The following CHLSN variants were observed in gnomAD, a reference collection of about 807,000 sequenced individuals.
CHLSN encodes protein cholesin.
chr7:1,052,499 G>A, the CHLSN span, among the ~76,000 whole-genome samples: 1 of 152,172 alleles, frequency 6.6e-6, no homozygotes, highest in African/African-American at 2.4e-5. The surrounding 1 kb of genome is among the most constrained non-coding windows in gnomAD (Gnocchi z 4.2). Context: ...TGTGACTTTG[G>A]AGGTGCTGGA....
chr7:1,089,576 G>A, the CHLSN span, among the ~76,000 whole-genome samples: 2 of 151,998 alleles, frequency 1.3e-5, no homozygotes, highest in African/African-American at 4.8e-5. Context: ...ACACCACTAT[G>A]CCCAGCTACT....
At chr7:981,301 A>G in the CHLSN span, among the ~76,000 whole-genome samples, 1 of 151,400 alleles carries the variant, frequency 6.6e-6, no homozygotes, top group Non-Finnish European at 1.5e-5. Flanking sequence ...CATCTCAAAA[A>G]AAAAAAAAAA....
At chr7:1,058,708 C>A in the CHLSN span, 16 of 601,812 alleles carry the variant, frequency 2.7e-5, no homozygotes, top group East Asian at 4.2e-4. Context: ...TGGCTGGCAT[C>A]TGGCTTGAGT....
At chr7:1,021,996 C>A in the CHLSN span, among the ~76,000 whole-genome samples, 45 of 152,178 alleles carry the variant, frequency 3.0e-4, no homozygotes, top group African/African-American at 1.1e-3. Flanking sequence ...CCTCGGCACA[C>A]CCAGGTGACA....
the CHLSN span, among the ~76,000 whole-genome samples, chr7:985,982 C>A: frequency 2.6e-5 from 4 of 152,158 alleles, no homozygotes; most frequent in Non-Finnish European, 5.9e-5. Context: ...GGTGAGACCA[C>A]CCTGCCTGCT....
At chr7:1,016,948 GC>G in the CHLSN span, among the ~76,000 whole-genome samples, 1 of 69,022 alleles carries the variant, frequency 1.4e-5, no homozygotes, top group Non-Finnish European at 2.9e-5. Context: ...GCCAGCACAC[GC>G]CAGCGCACAG....
the CHLSN span, among the ~76,000 whole-genome samples, chr7:1,120,247 C>T: frequency 8.9e-4 from 135 of 152,292 alleles, no homozygotes; most frequent in African/African-American, 2.9e-3. Flanking sequence ...AGCAGCACCA[C>T]GTGTCGACCA....
At chr7:1,125,982 AT>A in the CHLSN span, among the ~76,000 whole-genome samples, 24 of 152,232 alleles carry the variant, frequency 1.6e-4, no homozygotes, top group Non-Finnish European at 2.9e-4. Context: ...GGGTCAAAAA[AT>A]TTTTTATATT....
the CHLSN span, among the ~76,000 whole-genome samples, chr7:1,089,216 A>G: frequency 1.3e-5 from 2 of 152,240 alleles, no homozygotes; most frequent in African/African-American, 4.8e-5. Context: ...AGAGGCATTT[A>G]TGCTGTTCAA....
the CHLSN span, among the ~76,000 whole-genome samples, chr7:1,125,241 C>T: frequency 6.6e-6 from 1 of 152,178 alleles, no homozygotes; most frequent in Non-Finnish European, 1.5e-5. Flanking sequence ...GCCCAGGGAC[C>T]CCTCCAAGCA....
At chr7:1,028,260 C>T in the CHLSN span, 1 of 1,094,438 alleles carries the variant, frequency 9.1e-7, no homozygotes, top group South Asian at 2.1e-5. Context: ...GCACTGACCT[C>T]TGACCCGGCT....
At chr7:1,055,899 A>T in the CHLSN span, among the ~76,000 whole-genome samples, 1 of 152,164 alleles carries the variant, frequency 6.6e-6, no homozygotes. Flanking sequence ...TGGGGACTCA[A>T]GTGGAGTCTG....
chr7:1,079,417 TG>T, the CHLSN span, among the ~76,000 whole-genome samples: 1 of 152,140 alleles, frequency 6.6e-6, no homozygotes, highest in African/African-American at 2.4e-5. Context: ...CATCCTGGGA[TG>T]GTATGAAAGA....
chr7:1,070,903 T>C, the CHLSN span, among the ~76,000 whole-genome samples: 5 of 133,348 alleles, frequency 3.7e-5, no homozygotes, highest in South Asian at 1.2e-3. Flanking sequence ...TGCACACACA[T>C]GCACGCACAC....
chr7:1,015,982 C>T, the CHLSN span, among the ~76,000 whole-genome samples: 92 of 152,266 alleles, frequency 6.0e-4, no homozygotes, highest in African/African-American at 2.0e-3. Flanking sequence ...TGGGCAGGAC[C>T]ATCTAGTGTC....
At chr7:1,058,483 C>T in the CHLSN span, 10 of 780,082 alleles carry the variant, frequency 1.3e-5, no homozygotes, top group East Asian at 1.2e-4. Context: ...CACTGCTCCC[C>T]GGACCACATG....
the CHLSN span, among the ~76,000 whole-genome samples, chr7:1,035,841 A>G: frequency 1.3e-5 from 2 of 152,198 alleles, no homozygotes; most frequent in Admixed American, 6.5e-5. Flanking sequence ...GCACACAGAT[A>G]TTTCGAGCAG....
At chr7:1,132,883 G>A in the CHLSN span, among the ~76,000 whole-genome samples, 5 of 152,106 alleles carry the variant, frequency 3.3e-5, no homozygotes, top group African/African-American at 4.8e-5. Context: ...GAAGATACAC[G>A]AATGACCAAC....
At chr7:1,093,093 G>A in the CHLSN span, 20 of 674,010 alleles carry the variant, frequency 3.0e-5, no homozygotes, top group South Asian at 1.2e-4. Flanking sequence ...CGCTCGCCCC[G>A]CAGGGTCCAA....
Sources: gnomAD v4.1 joint callset for allele counts (sites outside exome capture counted in the v4.1 genomes callset) on GRCh38, gnomAD v4.1.1 for gene constraint, Gnocchi (gnomAD v3.1) non-coding constraint, MANE v1.5 for transcripts, NCBI Gene and HGNC (gene_info 2026-07-23, HGNC 2026-07-21) for gene names.